Variants in FMN1 observed in about 807,000 individuals in gnomAD.
FMN1 encodes formin 1, also known as formin-1.
Under a neutral mutation model 132.4 loss-of-function variants are expected in FMN1, and 110 were observed. The ratio of observed to expected loss-of-function variants is 0.83; its 90% CI spans 0.71 to 0.97. The LOEUF (loss-of-function observed/expected upper bound fraction) is 0.97, where lower values mean the gene tolerates loss of function less well. Ranked by LOEUF, FMN1 falls within the 50% of genes least tolerant of loss-of-function variation. The probability of loss-of-function intolerance (pLI) is 0.00; values close to 1 mark genes in which losing one functional copy is unlikely to be tolerated. For synonymous variants in FMN1, 722 were observed against 651.7 expected (o/e 1.11, Z -1.64); for missense variants, 1,792 against 1,705.3 (o/e 1.05, Z -0.90).
intron 7 of FMN1, among the ~76,000 whole-genome samples, chr15:32,974,480 T>C (rs560564357): frequency 2.0e-5 from 3 of 152,206 alleles, no homozygotes; most frequent in African/African-American, 4.8e-5. Flanking sequence ...AATTAAACCA[T>C]CCTGTTTTGA....
chr15:32,800,091 G>T (rs77941281), intron 18 of FMN1, among the ~76,000 whole-genome samples: 3 of 151,876 alleles, frequency 2.0e-5, no homozygotes, highest in Non-Finnish European at 4.4e-5. Flanking sequence ...TCTCATTCTC[G>T]GTTATTGGGC....
At chr15:33,027,083 T>A (rs1250843501) in intron 6 of FMN1, among the ~76,000 whole-genome samples, 2 of 152,010 alleles carry the variant, frequency 1.3e-5, no homozygotes, top group Admixed American at 6.6e-5. Flanking sequence ...ATTTTTTTTT[T>A]AATGCAAAAG....
At chr15:33,027,700 G>A (rs77747457) in intron 6 of FMN1, among the ~76,000 whole-genome samples, 1 of 152,084 alleles carries the variant, frequency 6.6e-6, no homozygotes, top group Non-Finnish European at 1.5e-5. Context: ...AGTGAGAAAC[G>A]ATCTAGTGTT....
chr15:32,822,180 C>A (rs1013097452), intron 17 of FMN1, among the ~76,000 whole-genome samples: 2 of 152,110 alleles, frequency 1.3e-5, no homozygotes, highest in Non-Finnish European at 2.9e-5. Context: ...GAAACCCCGC[C>A]TCTACTAAAA....
intron 17 of FMN1, among the ~76,000 whole-genome samples, chr15:32,853,416 T>A (rs72717685): frequency 0.26 from 39,282 of 152,050 alleles, 5,602 homozygotes; most frequent in East Asian, 0.4. Flanking sequence ...TTTCTTTTTT[T>A]GTAGTACATG....
At chr15:32,951,320 T>C (rs538665789) in intron 9 of FMN1, among the ~76,000 whole-genome samples, 6 of 152,306 alleles carry the variant, frequency 3.9e-5, no homozygotes, top group South Asian at 2.1e-4. Flanking sequence ...TTTTAAACTT[T>C]TCCTTGCATT....
At chr15:32,801,113 A>G (rs1381776950) in intron 18 of FMN1, among the ~76,000 whole-genome samples, 5 of 152,164 alleles carry the variant, frequency 3.3e-5, no homozygotes, top group Non-Finnish European at 7.4e-5. Flanking sequence ...TGAGATCAAC[A>G]TATTGCAAAT....
chr15:33,003,146 A>G (rs966029071), intron 7 of FMN1, among the ~76,000 whole-genome samples: 11 of 152,220 alleles, frequency 7.2e-5, no homozygotes, highest in Admixed American at 5.2e-4. Flanking sequence ...GGTACAAGAC[A>G]GGGATGCCCT....
chr15:33,124,049 T>C (rs1353258413), intron 4 of FMN1, among the ~76,000 whole-genome samples: 1 of 151,990 alleles, frequency 6.6e-6, no homozygotes, highest in African/African-American at 2.4e-5. Flanking sequence ...CTCTCTAGAG[T>C]ATAACTTAGA....
At chr15:32,845,063 A>G (rs2058826695) in intron 17 of FMN1, among the ~76,000 whole-genome samples, 1 of 152,268 alleles carries the variant, frequency 6.6e-6, no homozygotes. Flanking sequence ...TATGCACAAT[A>G]ACTCCCAGAA....
chr15:32,871,048 G>A (rs16960254), intron 16 of FMN1, among the ~76,000 whole-genome samples: 3,656 of 152,236 alleles, frequency 0.024, 58 homozygotes, highest in Middle Eastern at 0.048. Context: ...CTCTGGCATC[G>A]AGGTGGACTG....
intron 9 of FMN1, among the ~76,000 whole-genome samples, chr15:32,938,302 G>C (rs1451391101): frequency 1.3e-5 from 2 of 152,120 alleles, no homozygotes; most frequent in African/African-American, 2.4e-5. Flanking sequence ...GTCGAGGTGG[G>C]TGGATCACTT....
rs969160616 is a variant in FMN1 at position 33,066,454 on chromosome 15, A to G, written c.2044-1380T>C. On this transcript the variant is annotated intron_variant, in intron 5 of 20. Coordinates refer to ENST00000616417, the MANE Select transcript of FMN1 (RefSeq NM_001277313.2). ...GGATTCACTTTGGGAGGAAACCTGG[A>G]AAGAAATACAGCAGCACCATATTTT... is the stretch of plus-strand genomic sequence containing the variant. The G allele has an allele frequency of 2.6e-5, 36 of 1,378,016 alleles. No homozygotes were observed. In the Admixed American group the frequency reaches 7.9e-4, roughly 30 times the overall value. The allele number at this position is 1,378,016 out of a possible 1,614,324, so 85.4% of individuals were successfully genotyped here. A position where few individuals can be genotyped will look rare whatever the true frequency, so the allele number is the denominator to read the frequency against.
At chr15:32,884,907 G>A (rs1397991665) in intron 16 of FMN1, among the ~76,000 whole-genome samples, 1 of 152,144 alleles carries the variant, frequency 6.6e-6, no homozygotes, top group Admixed American at 6.5e-5. Flanking sequence ...CAGCAACACC[G>A]GCTGATTATA....
intron 6 of FMN1, chr15:33,063,663 A>C (rs1313236187): frequency 6.6e-6 from 1 of 152,208 alleles, no homozygotes; most frequent in Non-Finnish European, 1.5e-5. Context: ...GTTTGGACTA[A>C]ACAAAGCAAA....
intron 20 of FMN1, among the ~76,000 whole-genome samples, chr15:32,776,438 C>T (rs528448871): frequency 6.6e-6 from 1 of 152,276 alleles, no homozygotes; most frequent in South Asian, 2.1e-4. Flanking sequence ...TTCTGCACTT[C>T]AAATTTTCCA....
intron 4 of FMN1, among the ~76,000 whole-genome samples, chr15:33,112,563 T>G (rs550462580): frequency 6.6e-6 from 1 of 152,270 alleles, no homozygotes; most frequent in African/African-American, 2.4e-5. Flanking sequence ...GCACTAGTGC[T>G]TAGTTTAACC....
At chr15:32,944,011 A>G (rs1381498260) in intron 9 of FMN1, among the ~76,000 whole-genome samples, 1 of 152,164 alleles carries the variant, frequency 6.6e-6, no homozygotes, top group African/African-American at 2.4e-5. Context: ...AGCTGTGGCT[A>G]TTCTAGTCCC....
intron 9 of FMN1, among the ~76,000 whole-genome samples, chr15:32,955,837 A>G (rs2061754911): frequency 6.6e-6 from 1 of 151,844 alleles, no homozygotes; most frequent in African/African-American, 2.4e-5. Context: ...GCGTGCGCGC[A>G]CGTGTCTGTG....
Sources: allele counts gnomAD v4.1 joint callset (sites outside exome capture counted in the v4.1 genomes callset), GRCh38; gene constraint gnomAD v4.1.1; transcripts MANE v1.5; gene names NCBI Gene and HGNC (gene_info 2026-07-23, HGNC 2026-07-21).